ADGRG4: variants seen among roughly 807,000 people sequenced by gnomAD.
The protein encoded by ADGRG4 is adhesion G protein-coupled receptor G4, also known as G protein-coupled receptor 112.
A neutral mutation model predicts 126.2 loss-of-function variants in ADGRG4; 122 were observed. That is an observed-to-expected ratio of 0.97 (90% CI 0.83 to 1.12). The LOEUF (loss-of-function observed/expected upper bound fraction) is 1.12. Ranked by LOEUF, ADGRG4 falls within the 50% of genes most tolerant of loss-of-function variation. The probability of loss-of-function intolerance (pLI) is 0.00; values close to 1 mark genes in which losing one functional copy is unlikely to be tolerated. For synonymous variants in ADGRG4, 943 were observed against 838.7 expected (o/e 1.12, Z -2.15); for missense variants, 2,481 against 2,251.8 (o/e 1.10, Z -2.06).
chrX:136,346,629 G>A lies in ADGRG4; in HGVS notation c.2923G>A (p.Glu975Lys), dbSNP rs1250371789. The change falls in exon 6 of 26, where the codon GAA (glutamate) becomes AAA (lysine). Residue 975 changes from glutamate to lysine, a missense_variant. Coordinates refer to ENST00000394143, the MANE Select transcript of ADGRG4 (RefSeq NM_153834.4). Reference protein sequence around the residue: ...PLGASTTRISETSFSTTPTDR... With the variant: ...PLGASTTRISKTSFSTTPTDR... The stretch of plus-strand genomic sequence containing the variant: ...GGGTGCTTCTACCACAAGGATATCA[G>A]AAACCAGTTTCTCCACTACCCCTAC... 29 of 1,210,428 alleles carry A rather than the reference G, an allele frequency of 2.4e-5. No individual in the cohort carries two copies. Among genetic ancestry groups the A allele is most frequent in the African/African-American group, 1.4e-4 (8 of 57,761 alleles).
chrX:136,357,412 T>A (rs766483737), intron 9 of ADGRG4, among the ~76,000 whole-genome samples: 1 of 112,227 alleles, frequency 8.9e-6, no homozygotes, highest in Non-Finnish European at 1.9e-5. Flanking sequence ...AGGCTTAGAT[T>A]CTGCTCCTAG....
intron 20 of ADGRG4, among the ~76,000 whole-genome samples, chrX:136,399,567 G>A (rs17002619): frequency 0.05 from 5,511 of 109,782 alleles, 374 homozygotes; most frequent in African/African-American, 0.17. Flanking sequence ...TAGACTCATA[G>A]TACCCAGGAA....
chrX:136,386,930 T>G (rs1047921238), intron 15 of ADGRG4, among the ~76,000 whole-genome samples: 3 of 112,175 alleles, frequency 2.7e-5, no homozygotes, highest in Non-Finnish European at 3.8e-5. Context: ...GAACAGAAAT[T>G]TATTGGTTCA....
At position 136,369,222 on chromosome X, in the gene ADGRG4, G is replaced by T. The variant is rs746310722; in HGVS notation, c.7397-2106G>T. 2.7e-5 allele frequency among the ~76,000 whole-genome samples: 3 copies of T among 112,445 alleles called. No individual in the cohort carries two copies. In the East Asian group the frequency reaches 8.3e-4, roughly 31 times the overall value. On this transcript the variant is annotated intron_variant, in intron 13 of 25. Transcript: ENST00000394143. The stretch of plus-strand genomic sequence containing the variant: ...TTGCTTTAAGCCAGTAAGTTTTAGG[G>T]TGATTTGTTATGCAGCAATAGATAA...
At chrX:136,334,843 A>G (rs1382678544) in intron 5 of ADGRG4, among the ~76,000 whole-genome samples, 2 of 111,755 alleles carry the variant, frequency 1.8e-5, no homozygotes, top group Non-Finnish European at 3.8e-5. Flanking sequence ...GAGGTTTTCT[A>G]TCTGGACTAC....
At chrX:136,401,722 G>A (rs781566882) in intron 21 of ADGRG4, among the ~76,000 whole-genome samples, 2 of 112,291 alleles carry the variant, frequency 1.8e-5, no homozygotes, top group African/African-American at 6.5e-5. Context: ...TGACCGCCAC[G>A]TGAGTTGTAG....
At chrX:136,330,530 G>C (rs929582109) in intron 5 of ADGRG4, among the ~76,000 whole-genome samples, 1 of 110,453 alleles carries the variant, frequency 9.1e-6, no homozygotes, top group Non-Finnish European at 1.9e-5. Flanking sequence ...CCTGTTGAAA[G>C]ACATTTGGGC....
intron 5 of ADGRG4, among the ~76,000 whole-genome samples, chrX:136,342,166 C>T (rs1334098004): frequency 1.8e-5 from 2 of 111,914 alleles, no homozygotes; most frequent in Admixed American, 9.5e-5. Flanking sequence ...CTCCGAGTTG[C>T]CCAGAAGCAA....
chrX:136,350,462 C>T (rs1246560891), intron 6 of ADGRG4, 29 bp downstream of exon 6: 2 of 1,168,437 alleles, frequency 1.7e-6, no homozygotes, highest in Non-Finnish European at 2.3e-6. Context: ...TGTGGTGTAG[C>T]CCCAACAGAA....
At chrX:136,362,042 G>A (rs1569328280) in intron 12 of ADGRG4, among the ~76,000 whole-genome samples, 1 of 111,308 alleles carries the variant, frequency 9.0e-6, no homozygotes, top group Non-Finnish European at 1.9e-5. Context: ...TCAAAATAAC[G>A]ACCTTGGAAA....
At chrX:136,311,708 G>C (rs1429046338) in intron 4 of ADGRG4, among the ~76,000 whole-genome samples, 1 of 111,151 alleles carries the variant, frequency 9.0e-6, no homozygotes, top group African/African-American at 3.3e-5. Context: ...CCAGAGCCAT[G>C]TCAGAAAATC....
In ADGRG4 at chrX:136,359,449, A is replaced by G; in HGVS notation, c.7138A>G (p.Lys2380Glu). The change falls in exon 11 of 26, where the codon AAA (lysine) becomes GAA (glutamate). Residue 2380 changes from lysine (K) to glutamate (E), a missense_variant. By Grantham distance (56) the Lys-to-Glu change is moderately conservative (BLOSUM62 1). Transcript: ENST00000394143. ...LVNCEHVAVK[K>E]LEPGNCKADE... Reference sequence around the variant, plus strand: ...AAACTGTGAACACGTTGCAGTGAAAAAACTAGGTAATTTTTTTGGGGGGTG... The same window carrying G: ...AAACTGTGAACACGTTGCAGTGAAAGAACTAGGTAATTTTTTTGGGGGGTG... The G allele has an allele frequency of 8.4e-7, 1 of 1,191,514 alleles. No homozygotes were observed. Among genetic ancestry groups the G allele is most frequent in the East Asian group, 3.0e-5 (1 of 33,238 alleles).
Position 136,405,861 on chromosome X carries a change from A to T in ADGRG4, c.8824A>T (p.Thr2942Ser), listed in dbSNP as rs190820498. The change falls in exon 23 of 26, where the codon ACA becomes TCA. Residue 2942 changes from threonine to serine, a missense_variant. Coordinates refer to ENST00000394143, the MANE Select transcript of ADGRG4 (RefSeq NM_153834.4). ...RKMILHDLKG[T>S]MSLTFLLGLT... ...GATGATCCTGCATGACCTCAAAGGC[A>T]CAATGAGCCTGACATTCTTACTTGG... 6 of 1,205,882 alleles carry T rather than the reference A, an allele frequency of 5.0e-6. No homozygotes were observed. Among genetic ancestry groups the T allele is most frequent in the Non-Finnish European group, 6.7e-6 (6 of 893,269 alleles).
At chrX:136,370,812 G>T (rs2075187981) in intron 13 of ADGRG4, among the ~76,000 whole-genome samples, 1 of 111,748 alleles carries the variant, frequency 8.9e-6, no homozygotes, top group South Asian at 3.7e-4. Flanking sequence ...AGAAAAAAGT[G>T]GGCGAGTTAA....
chrX:136,320,554 T>C (rs1416372756), intron 4 of ADGRG4, among the ~76,000 whole-genome samples: 1 of 111,875 alleles, frequency 8.9e-6, no homozygotes, highest in Non-Finnish European at 1.9e-5. Flanking sequence ...CTTTCTATAG[T>C]ATTGGCCTTT....
intron 24 of ADGRG4, 73 bp downstream of exon 24, chrX:136,412,439 A>G (rs2075451378): frequency 4.6e-6 from 3 of 647,326 alleles, no homozygotes; most frequent in Non-Finnish European, 7.6e-6. Flanking sequence ...TTTGTCTCCT[A>G]ACTTGAGTAC....
chrX:136,308,766 CAGACTT>C lies in ADGRG4; in HGVS notation c.-7_-2del. On this transcript the variant is annotated splice_acceptor_variant and 5_prime_UTR_variant, in exon 4 of 26. Transcript: ENST00000394143. LOFTEE classifies it low-confidence loss of function (5UTR_SPLICE). ...GGGCATATTTTTGACTTTTTAAACA[CAGACTT>C]AGACAATGAAAGAACACATCATATA... The C allele has an allele frequency of 9.0e-7, 1 of 1,108,765 alleles. No individual in the cohort carries two copies. The highest frequency in any genetic ancestry group is 1.2e-6 in the Non-Finnish European group (1 of 806,319). 91.4% of individuals were successfully genotyped at this position (1,108,765 alleles called of 1,213,427 possible).
chrX:136,315,226 T>C (rs2074797792), intron 4 of ADGRG4, among the ~76,000 whole-genome samples: 1 of 110,331 alleles, frequency 9.1e-6, no homozygotes, highest in South Asian at 4.0e-4. Flanking sequence ...ACTATGGCCA[T>C]GGTGATGTGG....
chrX:136,391,632 C>T (rs2075319935), intron 16 of ADGRG4, among the ~76,000 whole-genome samples: 1 of 112,089 alleles, frequency 8.9e-6, no homozygotes, highest in Non-Finnish European at 1.9e-5. Context: ...ACTGTGGGCA[C>T]AAGACACCTG....
Sources: allele counts gnomAD v4.1 joint callset (sites outside exome capture counted in the v4.1 genomes callset), GRCh38; gene constraint gnomAD v4.1.1; transcripts MANE v1.5; gene names NCBI Gene and HGNC (gene_info 2026-07-23, HGNC 2026-07-21).